NCKAP5: variants seen among roughly 807,000 people sequenced by gnomAD.
NCKAP5 encodes NCK associated protein 5, also known as nck-associated protein 5.
NCKAP5 carries 92 observed loss-of-function variants against 167.0 expected under a neutral mutation model. The observed-to-expected ratio is 0.55, with a 90% confidence interval of 0.47 to 0.66. The LOEUF (loss-of-function observed/expected upper bound fraction) is 0.66. Among genes scored for constraint, NCKAP5 ranks in the 30% least tolerant of loss-of-function variants. NCKAP5 has a pLI of 0.00. For synonymous variants in NCKAP5, 891 were observed against 877.4 expected (o/e 1.02, Z -0.27); for missense variants, 2,378 against 2,315.0 (o/e 1.03, Z -0.56).
chr2:132,731,743 A>G lies in NCKAP5; in HGVS notation c.5437T>C (p.Ser1813Pro). The G allele has an allele frequency of 6.3e-7, 1 of 1,576,696 alleles. No homozygotes were observed. Among genetic ancestry groups the G allele is most frequent in the Non-Finnish European group, 8.6e-7 (1 of 1,157,308 alleles). ...TGGGAAATTGGCATTTTACCTGAGG[A>G]AGCTGGTTTGGGGAGGCGGCTCTGA... Reference protein sequence around the residue: ...PLQSRLPKPASSGKVSSQKQN... With the variant: ...PLQSRLPKPAPSGKVSSQKQN... Residue 1813 changes from serine (S) to proline (P), a missense_variant, in exon 17 of 20, where the codon TCC becomes CCC. By Grantham distance (74) the Ser-to-Pro change is moderately conservative. Coordinates refer to ENST00000409261, the MANE Select transcript of NCKAP5 (RefSeq NM_207363.3).
intron 3 of NCKAP5, among the ~76,000 whole-genome samples, chr2:133,400,918 T>C (rs1574884719): frequency 6.6e-6 from 1 of 152,266 alleles, no homozygotes; most frequent in East Asian, 1.9e-4. Context: ...ATTTCCTGAG[T>C]GATACGAATG....
rs369086056 is a variant in NCKAP5 at position 133,074,457 on chromosome 2, C to T, written c.341+55521G>A. On this transcript the variant is annotated intron_variant, in intron 6 of 19. Transcript: ENST00000409261. ...TCACTGCAGCCTCGACCTCCTGAGG[C>T]TCAAATGATCCTCCCACCTCAGCCT... 5.9e-5 allele frequency among the ~76,000 whole-genome samples: 9 copies of T among 152,216 alleles called. No homozygotes were observed. In the East Asian group the frequency reaches 1.7e-3, roughly 29 times the overall value.
intron 3 of NCKAP5, among the ~76,000 whole-genome samples, chr2:133,503,453 G>C (rs1031092808): frequency 6.6e-6 from 1 of 152,164 alleles, no homozygotes; most frequent in African/African-American, 2.4e-5. Flanking sequence ...GTAGCACATG[G>C]CTAATTAGTA....
chr2:133,411,193 G>A (rs974955280), intron 3 of NCKAP5, among the ~76,000 whole-genome samples: 1 of 152,168 alleles, frequency 6.6e-6, no homozygotes, highest in African/African-American at 2.4e-5. Context: ...CAAAGTTTTT[G>A]TTCCTTGCCC....
intron 6 of NCKAP5, among the ~76,000 whole-genome samples, chr2:133,016,608 A>C (rs1371811862): frequency 6.6e-6 from 1 of 152,246 alleles, no homozygotes; most frequent in Non-Finnish European, 1.5e-5. Context: ...CGGCTATCTA[A>C]AATGAATCAT....
chr2:133,180,956 TAAGA>T (rs1406564276), intron 5 of NCKAP5, among the ~76,000 whole-genome samples: 1 of 151,754 alleles, frequency 6.6e-6, no homozygotes, highest in Non-Finnish European at 1.5e-5. Flanking sequence ...CCAAAATATA[TAAGA>T]AATAAAATAA....
intron 3 of NCKAP5, among the ~76,000 whole-genome samples, chr2:133,474,150 ATC>A (rs780641937): frequency 0.064 from 9,413 of 147,422 alleles, 702 homozygotes; most frequent in African/African-American, 0.19. Context: ...CTATCTATCT[ATC>A]TATACACACA....
At chr2:132,787,696 C>T (rs1683703079) in intron 13 of NCKAP5, among the ~76,000 whole-genome samples, 1 of 152,202 alleles carries the variant, frequency 6.6e-6, no homozygotes, top group African/African-American at 2.4e-5. Flanking sequence ...TGCTGCCCCA[C>T]TTCCTCTTCC....
At chr2:133,472,832 C>T (rs72846378) in intron 3 of NCKAP5, among the ~76,000 whole-genome samples, 12 of 152,228 alleles carry the variant, frequency 7.9e-5, no homozygotes, top group East Asian at 7.7e-4. Context: ...CTCTCTTCTC[C>T]GTATCCAATA....
At chr2:133,281,176 T>C (rs1052583297) in intron 4 of NCKAP5, among the ~76,000 whole-genome samples, 11 of 152,194 alleles carry the variant, frequency 7.2e-5, no homozygotes, top group African/African-American at 2.7e-4. Context: ...GAAATTAACT[T>C]TTTATAGCCA....
intron 3 of NCKAP5, among the ~76,000 whole-genome samples, chr2:133,361,508 G>A (rs917838379): frequency 6.6e-6 from 1 of 152,196 alleles, no homozygotes; most frequent in Non-Finnish European, 1.5e-5. Flanking sequence ...AAATGTATTA[G>A]TGAACAACTT....
At chr2:133,376,687 C>T (rs1443743122) in intron 3 of NCKAP5, among the ~76,000 whole-genome samples, 3 of 152,144 alleles carry the variant, frequency 2.0e-5, no homozygotes, top group African/African-American at 7.2e-5. Context: ...CCCCTGTCTA[C>T]AAAATAAAAT....
At chr2:132,984,264 A>G (rs925445467) in intron 7 of NCKAP5, among the ~76,000 whole-genome samples, 5 of 152,196 alleles carry the variant, frequency 3.3e-5, no homozygotes, top group African/African-American at 9.6e-5. Context: ...CGGAGACTCT[A>G]TGGAACTGTT....
chr2:133,033,853 A>G (rs1230009982), intron 6 of NCKAP5, among the ~76,000 whole-genome samples: 1 of 152,002 alleles, frequency 6.6e-6, no homozygotes, highest in African/African-American at 2.4e-5. Flanking sequence ...AAAACAATGA[A>G]CCAGACCTAT....
chr2:132,804,650 AG>A (rs1685293393), intron 11 of NCKAP5, among the ~76,000 whole-genome samples: 1 of 152,174 alleles, frequency 6.6e-6, no homozygotes, highest in Non-Finnish European at 1.5e-5. Flanking sequence ...ACCACTTATT[AG>A]GAAGAAATGA....
In NCKAP5 at chr2:133,127,645, T is replaced by C. The variant is rs116181623; in HGVS notation, c.341+2333A>G. On this transcript the variant is annotated intron_variant, in intron 6 of 19. Transcript: ENST00000409261. The stretch of plus-strand genomic sequence containing the variant: ...ATGTGTCTCCTGCCACCTAAATCTA[T>C]AGCTTGAATATAGAGACATCTCAAT... 5.3e-3 allele frequency among the ~76,000 whole-genome samples: 811 copies of C among 152,310 alleles called. 15 individuals are homozygous for C. The highest frequency in any genetic ancestry group is 0.019 in the African/African-American group (770 of 41,564).
intron 16 of NCKAP5, among the ~76,000 whole-genome samples, chr2:132,763,746 A>G (rs982276822): frequency 6.6e-6 from 1 of 152,210 alleles, no homozygotes; most frequent in Non-Finnish European, 1.5e-5. Context: ...GCTCTGTGCC[A>G]TCAGATGTAT....
intron 6 of NCKAP5, among the ~76,000 whole-genome samples, chr2:133,042,670 G>A (rs1221317041): frequency 6.6e-6 from 1 of 152,120 alleles, no homozygotes; most frequent in Non-Finnish European, 1.5e-5. Flanking sequence ...ACACACACGT[G>A]TGCTTTCTAA....
At chr2:133,529,659 G>A (rs1685202647) in intron 2 of NCKAP5, among the ~76,000 whole-genome samples, 2 of 152,114 alleles carry the variant, frequency 1.3e-5, no homozygotes, top group Admixed American at 6.6e-5. Context: ...AAATATTTAA[G>A]AATATGTAAG....
Sources: allele counts gnomAD v4.1 joint callset (sites outside exome capture counted in the v4.1 genomes callset), GRCh38; gene constraint gnomAD v4.1.1; transcripts MANE v1.5; gene names NCBI Gene and HGNC (gene_info 2026-07-23, HGNC 2026-07-21).